DEPTOR: variants seen among roughly 807,000 people sequenced by gnomAD.
DEPTOR encodes the protein DEP domain containing MTOR interacting protein, also known as DEP domain-containing mTOR-interacting protein.
DEPTOR carries 41 observed loss-of-function variants against 41.6 expected under a neutral mutation model. The ratio of observed to expected loss-of-function variants is 0.98; its 90% CI spans 0.77 to 1.28. The LOEUF (loss-of-function observed/expected upper bound fraction) is 1.28, where lower values mean the gene tolerates loss of function less well. Among genes scored for constraint, DEPTOR ranks in the 50% most tolerant of loss-of-function variants. The pLI, the probability that DEPTOR is intolerant of heterozygous loss-of-function variation, is 0.00. For synonymous variants in DEPTOR, 195 were observed against 192.3 expected (o/e 1.01, Z -0.12); for missense variants, 514 against 527.9 (o/e 0.97, Z 0.26).
intron 8 of DEPTOR, among the ~76,000 whole-genome samples, chr8:120,020,746 G>C (rs921172043): frequency 1.3e-5 from 2 of 152,046 alleles, no homozygotes; most frequent in African/African-American, 4.8e-5. Context: ...ACTAATCTAA[G>C]CCTCAAATTC....
intron 1 of DEPTOR, among the ~76,000 whole-genome samples, chr8:119,920,120 A>G (rs1827871090): frequency 1.3e-5 from 2 of 151,850 alleles, no homozygotes; most frequent in Admixed American, 1.3e-4. Context: ...TTTATATTTC[A>G]TAGCCAGTGG....
chr8:119,942,146 T>G (rs142582431), intron 3 of DEPTOR, among the ~76,000 whole-genome samples: 1 of 152,352 alleles, frequency 6.6e-6, no homozygotes, highest in East Asian at 1.9e-4. Context: ...GATTGTCATC[T>G]GCAGATTTCT....
At chr8:120,029,553 G>A (rs962939190) in intron 8 of DEPTOR, among the ~76,000 whole-genome samples, 4 of 152,038 alleles carry the variant, frequency 2.6e-5, no homozygotes, top group Admixed American at 2.6e-4. Context: ...ACACCACCAT[G>A]CCTGGCTAAT....
intron 1 of DEPTOR, among the ~76,000 whole-genome samples, chr8:119,920,094 G>A (rs149936640): frequency 6.6e-6 from 1 of 150,884 alleles, no homozygotes; most frequent in Non-Finnish European, 1.5e-5. Context: ...TAATAGGAAG[G>A]TTTTTTTTTT....
chr8:119,909,198 G>A (rs1015816261), intron 1 of DEPTOR, among the ~76,000 whole-genome samples: 1 of 152,150 alleles, frequency 6.6e-6, no homozygotes, highest in African/African-American at 2.4e-5. Flanking sequence ...TTTCCAAAGG[G>A]TCCTCTTTCA....
intron 3 of DEPTOR, 40 bp from the exon 4 acceptor site, chr8:119,965,192 C>G: frequency 6.4e-7 from 1 of 1,571,554 alleles, no homozygotes; most frequent in Non-Finnish European, 8.6e-7. Context: ...GTTTTCCTTT[C>G]GTATAGGTTT....
intron 1 of DEPTOR, among the ~76,000 whole-genome samples, chr8:119,884,690 C>T (rs909592681): frequency 6.6e-6 from 1 of 151,210 alleles, no homozygotes; most frequent in African/African-American, 2.4e-5. Context: ...TTTCCAAACA[C>T]ATATAATGAG....
At chr8:120,020,107 A>C (rs1236670721) in intron 8 of DEPTOR, among the ~76,000 whole-genome samples, 1 of 151,842 alleles carries the variant, frequency 6.6e-6, no homozygotes, top group Non-Finnish European at 1.5e-5. Flanking sequence ...GTTTGTTTTG[A>C]GACAGAGTCT....
chr8:119,957,636 T>G (rs1433052083), intron 3 of DEPTOR, among the ~76,000 whole-genome samples: 1 of 151,398 alleles, frequency 6.6e-6, no homozygotes, highest in East Asian at 1.9e-4. Flanking sequence ...TCGCCCAGGC[T>G]GGAGTGCAAT....
At chr8:120,011,235 G>A (rs1812527431) in intron 8 of DEPTOR, among the ~76,000 whole-genome samples, 1 of 152,148 alleles carries the variant, frequency 6.6e-6, no homozygotes, top group Non-Finnish European at 1.5e-5. Flanking sequence ...TATGATTAGG[G>A]GCTGCTTCCA....
intron 8 of DEPTOR, among the ~76,000 whole-genome samples, chr8:120,010,024 C>A (rs1190778673): frequency 6.6e-6 from 1 of 152,086 alleles, no homozygotes; most frequent in African/African-American, 2.4e-5. Context: ...ATAGACCATA[C>A]GACATAGCCA....
At chr8:120,031,066 A>T (rs1586666131) in intron 8 of DEPTOR, among the ~76,000 whole-genome samples, 1 of 152,340 alleles carries the variant, frequency 6.6e-6, no homozygotes, top group South Asian at 2.1e-4. Context: ...ACAGTGACTC[A>T]TGCCTGTAAT....
chr8:119,912,476 G>A (rs1369885616), intron 1 of DEPTOR, among the ~76,000 whole-genome samples: 3 of 152,188 alleles, frequency 2.0e-5, no homozygotes, highest in African/African-American at 7.2e-5. Flanking sequence ...ATTTTTGCAA[G>A]CCCCTTAACT....
intron 6 of DEPTOR, 77 bp from the exon 7 acceptor site, chr8:120,006,728 T>G: frequency 8.4e-6 from 11 of 1,303,988 alleles, no homozygotes; most frequent in Non-Finnish European, 1.1e-5. Flanking sequence ...ACCTACGAGA[T>G]ATCAATAAAT....
chr8:120,003,868 C>T (rs1424403181), intron 6 of DEPTOR, among the ~76,000 whole-genome samples: 4 of 152,194 alleles, frequency 2.6e-5, no homozygotes, highest in Non-Finnish European at 5.9e-5. Context: ...ATTGAAACTA[C>T]CCTTTCTCAC....
At chr8:119,960,779 T>G (rs1586633689) in intron 3 of DEPTOR, among the ~76,000 whole-genome samples, 1 of 151,322 alleles carries the variant, frequency 6.6e-6, no homozygotes, top group Non-Finnish European at 1.5e-5. Flanking sequence ...AGGTCAGGAG[T>G]TTAAGACCAG....
At chr8:120,029,660 T>G (rs1359136980) in intron 8 of DEPTOR, among the ~76,000 whole-genome samples, 1 of 152,188 alleles carries the variant, frequency 6.6e-6, no homozygotes, top group Admixed American at 6.5e-5. Context: ...CCTCCCAAAG[T>G]GCTGGGATTA....
At chr8:119,886,169 C>G (rs1171303383) in intron 1 of DEPTOR, among the ~76,000 whole-genome samples, 1 of 152,172 alleles carries the variant, frequency 6.6e-6, no homozygotes, top group Non-Finnish European at 1.5e-5. Flanking sequence ...AATTCATTCT[C>G]TGCAATTCTT....
chr8:119,904,890 C>A (rs1350680002), intron 1 of DEPTOR, among the ~76,000 whole-genome samples: 1 of 150,704 alleles, frequency 6.6e-6, no homozygotes, highest in African/African-American at 2.4e-5. Flanking sequence ...CTTCTAGGCT[C>A]AAGTGATCCT....
Sources: gnomAD v4.1 joint callset for allele counts (sites outside exome capture counted in the v4.1 genomes callset) on GRCh38, gnomAD v4.1.1 for gene constraint, MANE v1.5 for transcripts, NCBI Gene and HGNC (gene_info 2026-07-23, HGNC 2026-07-21) for gene names.